The following SHISAL1 variants were observed in gnomAD, a reference collection of about 807,000 sequenced individuals.
SHISAL1 encodes protein shisa-like-1.
A neutral mutation model predicts 22.6 loss-of-function variants in SHISAL1; 9 were observed. That is an observed-to-expected ratio of 0.40 (90% confidence interval 0.24 to 0.70). The LOEUF (loss-of-function observed/expected upper bound fraction) is 0.70. SHISAL1 is among the 30% of genes least tolerant of loss of function. The probability of loss-of-function intolerance (pLI) is 0.39; values close to 1 mark genes in which losing one functional copy is unlikely to be tolerated. For synonymous variants in SHISAL1, 119 were observed against 115.4 expected (o/e 1.03, Z -0.20); for missense variants, 246 against 270.6 (o/e 0.91, Z 0.64).
the SHISAL1 span, among the ~76,000 whole-genome samples, chr22:44,324,114 T>G: frequency 6.6e-6 from 1 of 152,208 alleles, no homozygotes; most frequent in Non-Finnish European, 1.5e-5. Context: ...GCAATGTAAC[T>G]GACCCAGCTG....
chr22:44,330,789 C>T, the SHISAL1 span, among the ~76,000 whole-genome samples: 2 of 152,172 alleles, frequency 1.3e-5, no homozygotes, highest in Non-Finnish European at 2.9e-5. Flanking sequence ...AATGAGCTTC[C>T]GAGGCTGCCG....
At chr22:44,266,539 T>TGG (rs2055164975) in intron 4 of SHISAL1, among the ~76,000 whole-genome samples, 1 of 143,800 alleles carries the variant, frequency 7.0e-6, no homozygotes, top group East Asian at 2.1e-4. Flanking sequence ...TGTGTGTGTG[T>TGG]GTGTGTGTGT....
At chr22:44,285,842 C>T in intron 3 of SHISAL1, 97 bp from the exon 4 acceptor site, 1 of 1,090,820 alleles carries the variant, frequency 9.2e-7, no homozygotes, top group Non-Finnish European at 1.4e-6. Context: ...TGTCCTGGGG[C>T]TATGTTGGGG....
intron 3 of SHISAL1, among the ~76,000 whole-genome samples, chr22:44,295,123 A>G (rs1291117369): frequency 6.6e-6 from 1 of 152,210 alleles, no homozygotes; most frequent in Non-Finnish European, 1.5e-5. Flanking sequence ...GGAGGAGCCC[A>G]TTAAGATATT....
At chr22:44,287,940 C>T (rs567093678) in intron 3 of SHISAL1, among the ~76,000 whole-genome samples, 1 of 152,068 alleles carries the variant, frequency 6.6e-6, no homozygotes, top group Non-Finnish European at 1.5e-5. Flanking sequence ...AGGGAGGAGA[C>T]GGGGAAAGGG....
chr22:44,327,189 C>G, the SHISAL1 span, among the ~76,000 whole-genome samples: 1 of 151,190 alleles, frequency 6.6e-6, no homozygotes, highest in South Asian at 2.1e-4. Context: ...GGCACTGTCT[C>G]TGTCTACCAC....
At chr22:44,305,541 AGT>A (rs1410525756) in intron 1 of SHISAL1, among the ~76,000 whole-genome samples, 1 of 152,220 alleles carries the variant, frequency 6.6e-6, no homozygotes, top group East Asian at 1.9e-4. Flanking sequence ...AGGAAAGGAC[AGT>A]GTGCAGCCTG....
chr22:44,318,201 T>C, the SHISAL1 span, among the ~76,000 whole-genome samples: 1 of 152,262 alleles, frequency 6.6e-6, no homozygotes, highest in Non-Finnish European at 1.5e-5. Flanking sequence ...GAAGGCCTCC[T>C]GCTTTCCAAA....
At chr22:44,270,667 G>T (rs1002371401) in intron 4 of SHISAL1, among the ~76,000 whole-genome samples, 2 of 152,142 alleles carry the variant, frequency 1.3e-5, no homozygotes, top group Non-Finnish European at 2.9e-5. Context: ...GGATCTGCCA[G>T]CCTAGGGTGG....
chr22:44,296,645 G>A (rs1214299020), intron 3 of SHISAL1, 27 bp downstream of exon 3: 2 of 1,606,966 alleles, frequency 1.2e-6, no homozygotes, highest in Non-Finnish European at 8.5e-7. Context: ...CGAGGCAGTG[G>A]GGTTGCACCC....
intron 1 of SHISAL1, among the ~76,000 whole-genome samples, chr22:44,308,850 G>T (rs898513119): frequency 6.6e-6 from 1 of 152,230 alleles, no homozygotes; most frequent in Admixed American, 6.5e-5. Flanking sequence ...GAACCCCACA[G>T]GATGGAGAAC....
At chr22:44,292,033 CCTCTCACT>C (rs2055356190) in intron 3 of SHISAL1, among the ~76,000 whole-genome samples, 1 of 152,216 alleles carries the variant, frequency 6.6e-6, no homozygotes, top group Non-Finnish European at 1.5e-5. Flanking sequence ...GAGGCTGCTT[CCTCTCACT>C]CTGCCTTCCT....
At chr22:44,266,528 A>ATGGGTATGGGTATGTGTGTG (rs370971639) in intron 4 of SHISAL1, among the ~76,000 whole-genome samples, 1 of 108,328 alleles carries the variant, frequency 9.2e-6, no homozygotes, top group African/African-American at 3.8e-5. Flanking sequence ...GCTTTGGGGT[A>ATGGGTATGGGTATGTGTGTG]TGTGTGTGTG....
intron 3 of SHISAL1, among the ~76,000 whole-genome samples, chr22:44,288,823 C>G (rs1024193101): frequency 6.6e-6 from 1 of 152,228 alleles, no homozygotes; most frequent in Non-Finnish European, 1.5e-5. Flanking sequence ...CCTTGTCAGT[C>G]CAACCCCTAC....
rs546640216 is a variant in SHISAL1, at chr22:44,290,529, C to CAAAA, written c.282-4788_282-4785dup. On this transcript the variant is annotated intron_variant, in intron 3 of 4. Coordinates refer to ENST00000381176, the MANE Select transcript of SHISAL1 (RefSeq NM_001099294.2). ...GGGCAACAAGAGGGAAACTCAGTCT[C>CAAAA]AAAAAAAAAAAAAAACAAAAAACGG... Among the ~76,000 whole-genome samples, 90 of 84,162 alleles carry CAAAA rather than the reference C, an allele frequency of 1.1e-3. 2 individuals carry two copies. The highest frequency in any genetic ancestry group is 2.4e-3 in the African/African-American group (50 of 21,264). 55.2% of individuals were successfully genotyped at this position (84,162 alleles called of 152,430 possible).
intron 4 of SHISAL1, among the ~76,000 whole-genome samples, chr22:44,263,799 G>A (rs1040824353): frequency 9.8e-5 from 15 of 152,336 alleles, no homozygotes; most frequent in African/African-American, 3.6e-4. Flanking sequence ...AGGGCCCCGT[G>A]CTGCTGATGC....
upstream of SHISAL1, among the ~76,000 whole-genome samples, chr22:44,316,622 G>A (rs985198180): frequency 2.0e-5 from 3 of 152,198 alleles, no homozygotes; most frequent in East Asian, 5.8e-4. Context: ...GCCCCAGTTT[G>A]CAAACTTCTG....
intron 4 of SHISAL1, among the ~76,000 whole-genome samples, chr22:44,283,517 A>T (rs1601791853): frequency 6.6e-6 from 1 of 152,330 alleles, no homozygotes; most frequent in African/African-American, 2.4e-5. Flanking sequence ...TCTGGGCAGG[A>T]TGAGATCGGG....
intron 1 of SHISAL1, among the ~76,000 whole-genome samples, chr22:44,306,615 A>G (rs13055385): frequency 0.1 from 5,722 of 57,126 alleles, 802 homozygotes; most frequent in Middle Eastern, 0.14. Context: ...AACTGGGCTC[A>G]AGGAGCTGTG....
Sources: gnomAD v4.1 joint callset for allele counts (sites outside exome capture counted in the v4.1 genomes callset) on GRCh38, gnomAD v4.1.1 for gene constraint, MANE v1.5 for transcripts, NCBI Gene and HGNC (gene_info 2026-07-23, HGNC 2026-07-21) for gene names.